PTPN4: variants seen among roughly 807,000 people sequenced by gnomAD.
The protein encoded by PTPN4 is protein tyrosine phosphatase non-receptor type 4, also known as tyrosine-protein phosphatase non-receptor type 4.
A neutral mutation model predicts 135.5 loss-of-function variants in PTPN4; 49 were observed. The observed-to-expected ratio is 0.36, with a 90% CI of 0.29 to 0.46. The LOEUF (loss-of-function observed/expected upper bound fraction) is 0.46. Among genes scored for constraint, PTPN4 ranks in the 20% least tolerant of loss-of-function variants. PTPN4 has a pLI of 1.00. For synonymous variants in PTPN4, 333 were observed against 369.9 expected, an observed-to-expected ratio of 0.90 and a Z score of 1.14; for missense variants, 860 against 1,101.0, an observed-to-expected ratio of 0.78 and a Z score of 3.10.
At chr2:119,795,140 T>A (rs1455947108) in intron 1 of PTPN4, among the ~76,000 whole-genome samples, 2 of 152,170 alleles carry the variant, frequency 1.3e-5, no homozygotes, top group Admixed American at 1.3e-4. Context: ...TCTCTTGGTG[T>A]CTGGCTGAGT....
intron 1 of PTPN4, among the ~76,000 whole-genome samples, chr2:119,789,065 GC>G (rs1691093820): frequency 6.6e-6 from 1 of 151,412 alleles, no homozygotes; most frequent in Non-Finnish European, 1.5e-5. Flanking sequence ...CCTTATCCTT[GC>G]CAACACTTGT....
At chr2:119,786,035 T>G (rs536981852) in intron 1 of PTPN4, among the ~76,000 whole-genome samples, 10 of 152,292 alleles carry the variant, frequency 6.6e-5, no homozygotes, top group African/African-American at 2.2e-4. Flanking sequence ...CACCTTTCTT[T>G]CCTTACTATT....
intron 1 of PTPN4, among the ~76,000 whole-genome samples, chr2:119,799,752 G>A (rs1403709590): frequency 1.3e-5 from 2 of 152,158 alleles, no homozygotes; most frequent in East Asian, 1.9e-4. Context: ...AGGAAAAGAC[G>A]TTAAAGCTGA....
intron 12 of PTPN4, among the ~76,000 whole-genome samples, chr2:119,924,578 A>G (rs755514749): frequency 1.3e-5 from 2 of 152,184 alleles, no homozygotes; most frequent in African/African-American, 4.8e-5. Flanking sequence ...CTCATTGCTC[A>G]AAAGATAAGT....
intron 1 of PTPN4, among the ~76,000 whole-genome samples, chr2:119,789,116 C>A (rs1461855738): frequency 6.6e-6 from 1 of 150,840 alleles, no homozygotes; most frequent in East Asian, 1.9e-4. Flanking sequence ...AAGTAGTAAC[C>A]ATCTAAATAA....
At chr2:119,909,185 C>T (rs1574399679) in intron 10 of PTPN4, among the ~76,000 whole-genome samples, 1 of 152,270 alleles carries the variant, frequency 6.6e-6, no homozygotes, top group South Asian at 2.1e-4. Flanking sequence ...GTAGATGAAA[C>T]AGCCTTCTAT....
intron 2 of PTPN4, among the ~76,000 whole-genome samples, chr2:119,855,074 T>G (rs1358098490): frequency 6.6e-6 from 1 of 152,194 alleles, no homozygotes; most frequent in Non-Finnish European, 1.5e-5. Flanking sequence ...TATTAAGTAC[T>G]GATCTTTCAA....
chr2:119,914,485 T>A (rs1038213542), intron 10 of PTPN4, among the ~76,000 whole-genome samples: 4 of 152,126 alleles, frequency 2.6e-5, no homozygotes, highest in Non-Finnish European at 5.9e-5. Flanking sequence ...TCTTTGAGAA[T>A]GCTGAGAGCT....
intron 1 of PTPN4, among the ~76,000 whole-genome samples, chr2:119,762,164 T>G (rs1558717427): frequency 6.6e-6 from 1 of 152,108 alleles, no homozygotes; most frequent in East Asian, 1.9e-4. Flanking sequence ...GAAATTTCAT[T>G]TGAACTATTC....
chr2:119,841,250 G>C (rs1677376816), intron 2 of PTPN4, among the ~76,000 whole-genome samples: 1 of 152,078 alleles, frequency 6.6e-6, no homozygotes, highest in South Asian at 2.1e-4. Flanking sequence ...AAAATACAAA[G>C]TTAAAAACCC....
In PTPN4 at chr2:119,766,443, T is replaced by TGCGCGCGCGCGCGC. The variant is rs145798313; in HGVS notation, c.-18+6066_-18+6067insCGCGCGCGCGCGCG. 1.3e-4 allele frequency among the ~76,000 whole-genome samples: 14 copies of TGCGCGCGCGCGCGC among 109,840 alleles called. 1 individual carries two copies. Among genetic ancestry groups the TGCGCGCGCGCGCGC allele is most frequent in the Admixed American group, 1.8e-4 (2 of 11,112 alleles). The allele number at this position is 109,840 out of a possible 152,430, so 72.1% of individuals were successfully genotyped here. A position where few individuals can be genotyped will look rare whatever the true frequency, so the allele number is the denominator to read the frequency against. On this transcript the variant is annotated intron_variant, in intron 1 of 26. Coordinates refer to ENST00000263708, the MANE Select transcript of PTPN4 (RefSeq NM_002830.4). ...CCCATTTCACTGGTGTATGCGCATG[T>TGCGCGCGCGCGCGC]GCGCGCGTGTGTGTGTGTGTGTGTG...
At chr2:119,796,489 CATT>C (rs1691263303) in intron 1 of PTPN4, among the ~76,000 whole-genome samples, 2 of 152,070 alleles carry the variant, frequency 1.3e-5, no homozygotes, top group East Asian at 1.9e-4. Context: ...ATTTGTTTCT[CATT>C]GTAATTATTT....
intron 26 of PTPN4, among the ~76,000 whole-genome samples, chr2:119,974,375 C>T (rs1396065442): frequency 1.3e-5 from 2 of 152,124 alleles, no homozygotes; most frequent in African/African-American, 4.8e-5. Context: ...CCAGGCCTGG[C>T]TCATTTTGTT....
chr2:119,812,021 T>C (rs1676890865), intron 2 of PTPN4, among the ~76,000 whole-genome samples: 2 of 152,094 alleles, frequency 1.3e-5, no homozygotes, highest in Admixed American at 1.3e-4. Context: ...TTATCTCAGG[T>C]CATCAAAAAA....
chr2:119,838,652 C>T (rs1677333460), intron 2 of PTPN4, among the ~76,000 whole-genome samples: 1 of 152,122 alleles, frequency 6.6e-6, no homozygotes, highest in Non-Finnish European at 1.5e-5. Context: ...GAAACAATAA[C>T]CAGTAAATTA....
At chr2:119,797,482 A>C (rs1691282692) in intron 1 of PTPN4, among the ~76,000 whole-genome samples, 1 of 152,136 alleles carries the variant, frequency 6.6e-6, no homozygotes, top group Admixed American at 6.6e-5. Flanking sequence ...TTTGTTCCTG[A>C]TATTAGATGA....
At chr2:119,801,860 G>GCTATTTCTTT in intron 1 of PTPN4, among the ~76,000 whole-genome samples, 1 of 144,082 alleles carries the variant, frequency 6.9e-6, no homozygotes, top group African/African-American at 2.6e-5. Context: ...ATTCCTGTAT[G>GCTATTTCTTT]CTATTTCTTT....
At chr2:119,934,776 C>T in intron 14 of PTPN4, 24 bp from the exon 15 acceptor site, 2 of 1,606,734 alleles carry the variant, frequency 1.2e-6, no homozygotes, top group Non-Finnish European at 1.7e-6. Context: ...TATTTTTATT[C>T]AGTTTTTCTC....
intron 26 of PTPN4, among the ~76,000 whole-genome samples, chr2:119,968,465 T>TGAAAA (rs1679476329): frequency 6.6e-6 from 1 of 152,122 alleles, no homozygotes; most frequent in Non-Finnish European, 1.5e-5. Flanking sequence ...ATAGCTGTGG[T>TGAAAA]GAAATTGTTT....
Sources: gnomAD v4.1 joint callset for allele counts (sites outside exome capture counted in the v4.1 genomes callset) on GRCh38, gnomAD v4.1.1 for gene constraint, MANE v1.5 for transcripts, NCBI Gene and HGNC (gene_info 2026-07-23, HGNC 2026-07-21) for gene names.